The following PHF24 variants were observed in gnomAD, a reference collection of about 807,000 sequenced individuals.
The protein encoded by PHF24 is PHD finger protein 24.
In PHF24, 25 loss-of-function variants were observed where a neutral mutation model predicts 42.6. The observed-to-expected ratio is 0.59, with a 90% CI of 0.43 to 0.82. The LOEUF is 0.82. Ranked by LOEUF, PHF24 falls within the 40% of genes least tolerant of loss-of-function variation. PHF24 has a pLI of 0.00. For missense variants in PHF24, 470 were observed against 538.1 expected (o/e 0.87, Z 1.25); for synonymous variants, 185 against 204.8 (o/e 0.90, Z 0.83).
chr9:34,731,198 A>T, the PHF24 span, among the ~76,000 whole-genome samples: 1 of 152,192 alleles, frequency 6.6e-6, no homozygotes, highest in African/African-American at 2.4e-5. Context: ...ATATTTTGAT[A>T]CAGGCATACA....
the PHF24 span, among the ~76,000 whole-genome samples, chr9:34,939,759 G>C: frequency 6.6e-6 from 1 of 152,206 alleles, no homozygotes; most frequent in African/African-American, 2.4e-5. Flanking sequence ...CTACTCAGGG[G>C]ACTGAGGAGC....
chr9:34,982,428 C>T (rs1827428358), exon 8 of PHF24: 1 of 152,290 alleles, frequency 6.6e-6, no homozygotes, highest in Non-Finnish European at 1.5e-5. Context: ...AGCCCTGTCT[C>T]CCTGTCTCTA....
At chr9:34,737,493 C>A in the PHF24 span, among the ~76,000 whole-genome samples, 2 of 152,142 alleles carry the variant, frequency 1.3e-5, no homozygotes, top group Non-Finnish European at 2.9e-5. Context: ...ATGAATAATG[C>A]TGCTATGCAC....
At chr9:34,922,747 A>G in the PHF24 span, 2 of 1,590,348 alleles carry the variant, frequency 1.3e-6, no homozygotes, top group African/African-American at 2.7e-5. Flanking sequence ...ACGATGCTCC[A>G]AGATGACCTA....
At chr9:34,806,522 G>A in the PHF24 span, among the ~76,000 whole-genome samples, 4 of 152,158 alleles carry the variant, frequency 2.6e-5, no homozygotes, top group South Asian at 2.1e-4. Context: ...GCAGTGGCAC[G>A]ATCTCGGCTC....
chr9:34,703,699 T>C, the PHF24 span, among the ~76,000 whole-genome samples: 2 of 139,884 alleles, frequency 1.4e-5, no homozygotes, highest in Non-Finnish European at 3.3e-5. Context: ...TCCTCTACTT[T>C]CTTAATAAAC....
the PHF24 span, among the ~76,000 whole-genome samples, chr9:34,892,200 G>C: frequency 6.6e-6 from 1 of 152,106 alleles, no homozygotes; most frequent in African/African-American, 2.4e-5. Flanking sequence ...AGAGGAGAGG[G>C]TAGAGCTAGA....
At chr9:34,747,188 G>A in the PHF24 span, among the ~76,000 whole-genome samples, 3 of 152,114 alleles carry the variant, frequency 2.0e-5, no homozygotes, top group Admixed American at 6.6e-5. Context: ...GTTGGGGGGT[G>A]GGGGTTGTTT....
At chr9:34,863,899 T>C in the PHF24 span, among the ~76,000 whole-genome samples, 1 of 152,124 alleles carries the variant, frequency 6.6e-6, no homozygotes. Flanking sequence ...AAATTCAAGA[T>C]AAACAGAGAA....
the PHF24 span, among the ~76,000 whole-genome samples, chr9:34,899,040 G>C: frequency 1.3e-5 from 2 of 152,178 alleles, no homozygotes; most frequent in African/African-American, 4.8e-5. Context: ...GGGGCTCATC[G>C]ACAAGGGTGC....
At chr9:34,770,204 G>C in the PHF24 span, among the ~76,000 whole-genome samples, 2 of 152,092 alleles carry the variant, frequency 1.3e-5, no homozygotes, top group African/African-American at 4.8e-5. Context: ...AGTACCCAAT[G>C]ATCCAACAGA....
chr9:34,681,303 G>A, the PHF24 span: 1 of 152,186 alleles, frequency 6.6e-6, no homozygotes, highest in African/African-American at 2.4e-5. Flanking sequence ...AGCCTATTCT[G>A]ACCAATCAGG....
chr9:34,956,263 C>T (rs1188788978), upstream of PHF24, among the ~76,000 whole-genome samples: 3 of 152,096 alleles, frequency 2.0e-5, no homozygotes, highest in African/African-American at 4.8e-5. Flanking sequence ...ACACAATGTA[C>T]TTTTGTGTGT....
the PHF24 span, among the ~76,000 whole-genome samples, chr9:34,942,108 G>A: frequency 2.0e-5 from 3 of 152,114 alleles, no homozygotes; most frequent in Non-Finnish European, 4.4e-5. Flanking sequence ...CCTTCATACT[G>A]CATCTTTTCC....
chr9:34,684,855 C>T, the PHF24 span, among the ~76,000 whole-genome samples: 2 of 152,156 alleles, frequency 1.3e-5, no homozygotes, highest in Non-Finnish European at 2.9e-5. Context: ...TTTCCCACCT[C>T]TGCCAGGTTG....
chr9:34,897,922 A>T, the PHF24 span, among the ~76,000 whole-genome samples: 1 of 152,112 alleles, frequency 6.6e-6, no homozygotes, highest in Admixed American at 6.6e-5. Context: ...AGAACATATG[A>T]TGTTTGGTTT....
chr9:34,769,486 C>A, the PHF24 span, among the ~76,000 whole-genome samples: 1 of 152,124 alleles, frequency 6.6e-6, no homozygotes, highest in Non-Finnish European at 1.5e-5. Context: ...AACAATTCTT[C>A]CCAAGGTAAT....
chr9:34,766,997 T>G, the PHF24 span, among the ~76,000 whole-genome samples: 1 of 152,304 alleles, frequency 6.6e-6, no homozygotes, highest in South Asian at 2.1e-4. Flanking sequence ...GTATCAGCAG[T>G]GGTGGCTGCA....
At chr9:34,812,935 C>G in the PHF24 span, among the ~76,000 whole-genome samples, 3 of 152,190 alleles carry the variant, frequency 2.0e-5, no homozygotes, top group Non-Finnish European at 4.4e-5. Flanking sequence ...CTTTAGTCCT[C>G]TTGCCCCATC....
Sources: gnomAD v4.1 joint callset for allele counts (sites outside exome capture counted in the v4.1 genomes callset) on GRCh38, gnomAD v4.1.1 for gene constraint, MANE v1.5 for transcripts, NCBI Gene and HGNC (gene_info 2026-07-23, HGNC 2026-07-21) for gene names.